Variants in LRRC20 observed in about 807,000 individuals in gnomAD.
LRRC20 encodes leucine-rich repeat-containing protein 20.
A neutral mutation model predicts 14.4 loss-of-function variants in LRRC20; 11 were observed. The observed-to-expected ratio is 0.77, with a 90% CI of 0.48 to 1.27. LRRC20 has a LOEUF of 1.27. Ranked by LOEUF, LRRC20 falls within the 50% of genes most tolerant of loss-of-function variation. LRRC20 has a pLI of 0.00. For missense variants in LRRC20, 219 were observed against 251.2 expected (o/e 0.87, Z 0.87); for synonymous variants, 121 against 107.3 (o/e 1.13, Z -0.79).
chr10:70,364,910 C>T (rs1332573034), intron 2 of LRRC20, among the ~76,000 whole-genome samples: 3 of 152,174 alleles, frequency 2.0e-5, no homozygotes, highest in Admixed American at 1.3e-4. Context: ...AGGCAATGCC[C>T]CTGCCCCACC....
intron 3 of LRRC20, among the ~76,000 whole-genome samples, chr10:70,340,100 G>A (rs1441819140): frequency 2.7e-5 from 4 of 149,410 alleles, no homozygotes; most frequent in East Asian, 2.0e-4. Flanking sequence ...CAGCCTGGGC[G>A]ATACAGCAAG....
intron 3 of LRRC20, among the ~76,000 whole-genome samples, chr10:70,332,730 G>C (rs929789546): frequency 3.0e-4 from 46 of 152,202 alleles, no homozygotes; most frequent in African/African-American, 1.0e-3. Context: ...GCTTACAACA[G>C]TACCTACCCT....
At chr10:70,322,328 G>A (rs1475784320) in intron 4 of LRRC20, among the ~76,000 whole-genome samples, 1 of 152,192 alleles carries the variant, frequency 6.6e-6, no homozygotes, top group African/African-American at 2.4e-5. Flanking sequence ...CTCAGTTACT[G>A]CCCCATTTGG....
intron 4 of LRRC20, among the ~76,000 whole-genome samples, chr10:70,321,999 A>G (rs1842098510): frequency 6.6e-6 from 1 of 152,226 alleles, no homozygotes; most frequent in Non-Finnish European, 1.5e-5. Context: ...GCCTGCTAAG[A>G]GATATTGTCA....
Position 70,301,461 on chromosome 10 carries a change from TG to T in LRRC20, c.447del (p.Asn150ThrfsTer13), listed in dbSNP as rs1459119857. On this transcript the variant is annotated frameshift_variant, in exon 5 of 5. Transcript: ENST00000446961. LOFTEE classifies it high-confidence loss of function. The part of the protein sequence containing the change: ...KLAAMPALRS[I>X]NLRFNPLNAE... ...GCGTTGAGTGGGTTGAAGCGGAGGT[TG>T]ATGCTGCGCAAGGCTGGCATGGCGG... 10 of 1,613,956 alleles carry T rather than the reference TG, an allele frequency of 6.2e-6. No individual in the cohort carries two copies. The highest frequency in any genetic ancestry group is 8.5e-6 in the Non-Finnish European group (10 of 1,180,042).
In LRRC20 at chr10:70,329,744, T is replaced by C. The variant is rs539120797; in HGVS notation, c.233-5714A>G. 2.0e-5 allele frequency among the ~76,000 whole-genome samples: 3 copies of C among 152,160 alleles called. No individual in the cohort carries two copies. The South Asian group carries it at 6.2e-4, about 32-fold the overall frequency. ...TATGCCCAGCTAATTTTTTGTATTT[T>C]ACTAGAGACGGGGTTTCCCCATGTT... On this transcript the variant is annotated intron_variant, in intron 3 of 4. Transcript: ENST00000446961.
At position 70,301,331 on chromosome 10, in the gene LRRC20, T is replaced by TG; in HGVS notation, c.*22dup. The TG allele has an allele frequency of 1.9e-6, 3 of 1,605,284 alleles. No individual in the cohort carries two copies. Among genetic ancestry groups the TG allele is most frequent in the Non-Finnish European group, 2.6e-6 (3 of 1,176,298 alleles). ...CAGGCCTGTGGCCTCTGCCCCTTGCTGGGTGGGCATGAGGAGGGTGGCCTA... is the reference window on the plus strand; with the variant it reads ...CAGGCCTGTGGCCTCTGCCCCTTGCTGGGGTGGGCATGAGGAGGGTGGCCTA... On this transcript the variant is annotated 3_prime_UTR_variant, in exon 5 of 5. Coordinates refer to ENST00000446961, the MANE Select transcript of LRRC20 (RefSeq NM_001278212.2).
chr10:70,340,728 CAG>C, intron 2 of LRRC20, 26 bp from the exon 3 acceptor site: 2 of 1,613,298 alleles, frequency 1.2e-6, no homozygotes, highest in Non-Finnish European at 1.7e-6. Flanking sequence ...AAAAACAAAC[CAG>C]AGTTATCAGC....
At position 70,340,746 on chromosome 10, in the gene LRRC20, C is replaced by T. The variant is rs973776310; in HGVS notation, c.83-44G>A. The T allele has an allele frequency of 3.1e-6, 5 of 1,607,358 alleles. No homozygotes were observed. In the Admixed American group the frequency reaches 6.8e-5, roughly 22 times the overall value. On this transcript the variant is annotated intron_variant, in intron 2 of 4. Coordinates refer to ENST00000446961, the MANE Select transcript of LRRC20 (RefSeq NM_001278212.2). ...AACAAACCAGAGTTATCAGCCACAGCTGCCCGAGAACTTGTCCCAGACTCA... is the reference window on the plus strand; with the variant it reads ...AACAAACCAGAGTTATCAGCCACAGTTGCCCGAGAACTTGTCCCAGACTCA...
At chr10:70,340,255 C>G (rs2137016959) in intron 3 of LRRC20, among the ~76,000 whole-genome samples, 1 of 152,286 alleles carries the variant, frequency 6.6e-6, no homozygotes, top group East Asian at 1.9e-4. Context: ...GAAATAACAA[C>G]TCCCAGGGCC....
chr10:70,381,907 G>A (rs998343493), intron 1 of LRRC20: 1 of 152,258 alleles, frequency 6.6e-6, no homozygotes, highest in Non-Finnish European at 1.5e-5. Flanking sequence ...TCCTCGGACT[G>A]AGCCTCCAGC....
intron 4 of LRRC20, among the ~76,000 whole-genome samples, chr10:70,305,614 A>C (rs1399629827): frequency 6.6e-6 from 1 of 152,180 alleles, no homozygotes; most frequent in Non-Finnish European, 1.5e-5. Flanking sequence ...AGAAAAGTTG[A>C]ATATTATTGT....
At chr10:70,344,208 A>T (rs76086030) in intron 2 of LRRC20, among the ~76,000 whole-genome samples, 30,152 of 152,026 alleles carry the variant, frequency 0.2, 3,439 homozygotes, top group Non-Finnish European at 0.24. Flanking sequence ...TGAAAAAAAG[A>T]AAAGAAAATA....
chr10:70,349,408 T>A (rs1843206397), intron 2 of LRRC20, among the ~76,000 whole-genome samples: 1 of 151,912 alleles, frequency 6.6e-6, no homozygotes. Context: ...TAAAACCCTG[T>A]CTCTAATAAA....
intron 2 of LRRC20, among the ~76,000 whole-genome samples, chr10:70,360,959 A>G: frequency 6.6e-6 from 1 of 151,496 alleles, no homozygotes; most frequent in East Asian, 2.0e-4. Context: ...CTGAGGTGGG[A>G]GGACCACTTG....
intron 3 of LRRC20, among the ~76,000 whole-genome samples, chr10:70,324,627 G>A (rs924091567): frequency 6.6e-6 from 1 of 152,214 alleles, no homozygotes; most frequent in South Asian, 2.1e-4. Context: ...TGGGCCGGGG[G>A]AGTCCCTCTG....
chr10:70,304,470 T>TTATCTATATATATA (rs1293891046), intron 4 of LRRC20, among the ~76,000 whole-genome samples: 103 of 113,814 alleles, frequency 9.0e-4, no homozygotes, highest in African/African-American at 3.0e-3. Flanking sequence ...GGCCACTTCT[T>TTATCTATATATATA]TATATATATA....
At chr10:70,335,547 C>G (rs1178902033) in intron 3 of LRRC20, among the ~76,000 whole-genome samples, 1 of 152,228 alleles carries the variant, frequency 6.6e-6, no homozygotes, top group East Asian at 1.9e-4. Context: ...CGCAACCTCC[C>G]TTATGACTTG....
intron 4 of LRRC20, among the ~76,000 whole-genome samples, chr10:70,309,812 G>T (rs1448644854): frequency 1.3e-5 from 2 of 152,362 alleles, no homozygotes; most frequent in African/African-American, 2.4e-5. Context: ...GGATGGGGGG[G>T]TCCCCCTGTC....
Sources: allele counts gnomAD v4.1 joint callset (sites outside exome capture counted in the v4.1 genomes callset), GRCh38; gene constraint gnomAD v4.1.1; transcripts MANE v1.5; gene names NCBI Gene and HGNC (gene_info 2026-07-23, HGNC 2026-07-21).